Variants in TMEM72 observed in about 807,000 individuals in gnomAD.
The protein encoded by TMEM72 is transmembrane protein 72, also known as kidney-specific secretory protein of 37 kDa.
A neutral mutation model predicts 16.3 loss-of-function variants in TMEM72; 9 were observed. The ratio of observed to expected loss-of-function variants is 0.55; its 90% confidence interval spans 0.33 to 0.96. The LOEUF is 0.96. Among genes scored for constraint, TMEM72 ranks in the 40% least tolerant of loss-of-function variants. TMEM72 has a pLI of 0.03. For synonymous variants in TMEM72, 160 were observed against 146.5 expected (o/e 1.09, Z -0.66); for missense variants, 324 against 337.8 (o/e 0.96, Z 0.32).
In TMEM72 at chr10:44,933,881, T is replaced by C. The variant is rs904090899; in HGVS notation, c.349+105T>C. On this transcript the variant is annotated intron_variant, in intron 4 of 4. Coordinates refer to ENST00000389583, the MANE Select transcript of TMEM72 (RefSeq NM_001123376.3). The stretch of plus-strand genomic sequence containing the variant: ...GCTCCAGTGGTGGCTCCAGGGACCT[T>C]ACCTGCCCCACTGCCCTCTCTGACC... 5 of 1,388,694 alleles carry C rather than the reference T, an allele frequency of 3.6e-6. No homozygotes were observed. In the African/African-American group the frequency reaches 5.8e-5, roughly 16 times the overall value. The allele number at this position is 1,388,694 out of a possible 1,614,324, so 86.0% of individuals were successfully genotyped here.
intron 1 of TMEM72, among the ~76,000 whole-genome samples, chr10:44,912,074 CGT>C (rs1259468683): frequency 1.3e-5 from 2 of 152,240 alleles, no homozygotes; most frequent in Non-Finnish European, 2.9e-5. Context: ...CCTGGCTGGA[CGT>C]GGAGATCACA....
Position 44,929,461 on chromosome 10 carries a change from TC to T in TMEM72, c.137+1482del, listed in dbSNP as rs549273640. Among the ~76,000 whole-genome samples the T allele has an allele frequency of 6.5e-3, 985 of 151,380 alleles. 5 individuals carry two copies. Among genetic ancestry groups the T allele is most frequent in the African/African-American group, 0.018 (723 of 41,220 alleles). ...GGGTCCACCAGGCTGTGACCTCCACTCCCCCCCCTCCTCAGGATCCACCTCT... is the reference window on the plus strand; with the variant it reads ...GGGTCCACCAGGCTGTGACCTCCACTCCCCCCCTCCTCAGGATCCACCTCT... On this transcript the variant is annotated intron_variant, in intron 2 of 4. Transcript: ENST00000389583.
At chr10:44,924,130 C>A (rs981352290) in intron 1 of TMEM72, among the ~76,000 whole-genome samples, 2 of 152,164 alleles carry the variant, frequency 1.3e-5, no homozygotes, top group Non-Finnish European at 2.9e-5. Context: ...CGCTGCAGAG[C>A]CCAATATTTA....
At chr10:44,913,135 G>A (rs987334491) in intron 1 of TMEM72, among the ~76,000 whole-genome samples, 2 of 152,142 alleles carry the variant, frequency 1.3e-5, no homozygotes, top group Non-Finnish European at 2.9e-5. Flanking sequence ...CTACACATAA[G>A]AGAATGATGG....
At position 44,914,800 on chromosome 10, in the gene TMEM72, G is replaced by A. The variant is rs182548557; in HGVS notation, c.70+3218G>A. Among the ~76,000 whole-genome samples the A allele has an allele frequency of 8.5e-4, 129 of 152,324 alleles. 2 individuals carry two copies. In the South Asian group the frequency reaches 0.016, roughly 18 times the overall value. Reference sequence around the variant, plus strand: ...AGGGCACTCCTCCCCTGTGAGATGAGAAAGGACCTGTCCCACAGCATTGGT... The same window carrying A: ...AGGGCACTCCTCCCCTGTGAGATGAAAAAGGACCTGTCCCACAGCATTGGT... On this transcript the variant is annotated intron_variant, in intron 1 of 4. Coordinates refer to ENST00000389583, the MANE Select transcript of TMEM72 (RefSeq NM_001123376.3).
At chr10:44,916,103 G>A (rs1319841821) in intron 1 of TMEM72, among the ~76,000 whole-genome samples, 1 of 152,190 alleles carries the variant, frequency 6.6e-6, no homozygotes, top group Non-Finnish European at 1.5e-5. Flanking sequence ...GGAGACAGAG[G>A]TCCGGTGTTA....
chr10:44,919,761 A>G (rs10793568), intron 1 of TMEM72, among the ~76,000 whole-genome samples: 100,483 of 151,454 alleles, frequency 0.66, 33,733 homozygotes, highest in Middle Eastern at 0.79. Flanking sequence ...CTTCCAACTG[A>G]ATGTCCAGAA....
intron 3 of TMEM72, among the ~76,000 whole-genome samples, chr10:44,932,520 G>T (rs1390581744): frequency 6.6e-6 from 1 of 152,216 alleles, no homozygotes; most frequent in African/African-American, 2.4e-5. Flanking sequence ...CCTTCGTGGG[G>T]CAGGAGTGCA....
At chr10:44,932,777 G>A (rs1177000088) in intron 3 of TMEM72, among the ~76,000 whole-genome samples, 2 of 152,236 alleles carry the variant, frequency 1.3e-5, no homozygotes, top group Non-Finnish European at 1.5e-5. Flanking sequence ...CTGCCAAGCT[G>A]TGCTTGAAAC....
chr10:44,917,688 C>A (rs1840032530), intron 1 of TMEM72, among the ~76,000 whole-genome samples: 1 of 152,110 alleles, frequency 6.6e-6, no homozygotes, highest in Non-Finnish European at 1.5e-5. Flanking sequence ...GAAGAAGGGG[C>A]TCAGGAAACC....
chr10:44,914,569 C>G (rs925960269), intron 1 of TMEM72, among the ~76,000 whole-genome samples: 6 of 152,224 alleles, frequency 3.9e-5, no homozygotes, highest in Non-Finnish European at 5.9e-5. Context: ...ACTCCACATT[C>G]CCCTGTGCGG....
Position 44,914,339 on chromosome 10 carries a change from G to C in TMEM72, c.70+2757G>C, listed in dbSNP as rs1475470873. ...AATTCCCTCCCTCTGGAGCAGTCAT[G>C]TGGTTTCCAGGACATAACAGACCAC... is the stretch of plus-strand genomic sequence containing the variant. On this transcript the variant is annotated intron_variant, in intron 1 of 4. Transcript: ENST00000389583. Among the ~76,000 whole-genome samples, 14 of 152,344 alleles carry C rather than the reference G, an allele frequency of 9.2e-5. No individual in the cohort carries two copies. In the South Asian group the frequency reaches 2.3e-3, roughly 25 times the overall value.
chr10:44,928,254 TCGTCAGCCCACCCATC>T (rs1259380535), intron 2 of TMEM72, among the ~76,000 whole-genome samples: 1 of 144,754 alleles, frequency 6.9e-6, no homozygotes, highest in Non-Finnish European at 1.5e-5. Flanking sequence ...GCCCATCCAT[TCGTCAGCCCACCCATC>T]CATCCACTCA....
Position 44,915,462 on chromosome 10 carries a change from G to A in TMEM72, c.70+3880G>A, listed in dbSNP as rs189821410. Among the ~76,000 whole-genome samples, 3 of 152,192 alleles carry A rather than the reference G, an allele frequency of 2.0e-5. No individual in the cohort carries two copies. The East Asian group carries it at 5.8e-4, about 29-fold the overall frequency. On this transcript the variant is annotated intron_variant, in intron 1 of 4. Transcript: ENST00000389583. ...GCATCTTGCTCAGGGTCTCACACCA[G>A]GAAGCAAGAAGACAAAGTTCCACCT...
At chr10:44,924,134 A>G (rs749644690) in intron 1 of TMEM72, among the ~76,000 whole-genome samples, 10 of 152,122 alleles carry the variant, frequency 6.6e-5, no homozygotes, top group Non-Finnish European at 1.3e-4. Context: ...GCAGAGCCCA[A>G]TATTTAAGAA....
chr10:44,932,824 G>A (rs1158461096), intron 3 of TMEM72, among the ~76,000 whole-genome samples: 1 of 152,178 alleles, frequency 6.6e-6, no homozygotes, highest in Non-Finnish European at 1.5e-5. Context: ...AATGGACCCT[G>A]GATGGACTCC....
At chr10:44,913,804 G>A (rs916580707) in intron 1 of TMEM72, among the ~76,000 whole-genome samples, 1 of 152,112 alleles carries the variant, frequency 6.6e-6, no homozygotes, top group African/African-American at 2.4e-5. Context: ...CTCTTTTGTT[G>A]AAATCTTCTG....
At chr10:44,922,542 G>A (rs1840118745) in intron 1 of TMEM72, among the ~76,000 whole-genome samples, 3 of 152,214 alleles carry the variant, frequency 2.0e-5, no homozygotes, top group African/African-American at 7.2e-5. Flanking sequence ...AGCTTCCACA[G>A]CCAGTCCCAA....
At position 44,935,456 on chromosome 10, in the gene TMEM72, A is replaced by G. The variant is rs924275939; in HGVS notation, c.*322A>G. ...GCTGCAGGTGCCATTGACTCAGCCC[A>G]GAAGGGACAGAGGATGTCTGCCCAG... On this transcript the variant is annotated 3_prime_UTR_variant, in exon 5 of 5. Coordinates refer to ENST00000389583, the MANE Select transcript of TMEM72 (RefSeq NM_001123376.3). 1 of 293,246 alleles carries G rather than the reference A, an allele frequency of 3.4e-6. No homozygotes were observed. Among genetic ancestry groups the G allele is most frequent in the African/African-American group, 2.2e-5 (1 of 46,266 alleles). The allele number at this position is 293,246 out of a possible 1,614,324, so 18.2% of individuals were successfully genotyped here. A position where few individuals can be genotyped will look rare whatever the true frequency, so the allele number is the denominator to read the frequency against.
Sources: gnomAD v4.1 joint callset for allele counts (sites outside exome capture counted in the v4.1 genomes callset) on GRCh38, gnomAD v4.1.1 for gene constraint, MANE v1.5 for transcripts, NCBI Gene and HGNC (gene_info 2026-07-23, HGNC 2026-07-21) for gene names.